Variants in UNC79 observed in about 807,000 individuals in gnomAD.
UNC79 encodes the protein protein unc-79 homolog.
UNC79 carries 37 observed loss-of-function variants against 283.1 expected under a neutral mutation model. The observed-to-expected ratio is 0.13, with a 90% CI of 0.10 to 0.17. The LOEUF (loss-of-function observed/expected upper bound fraction) is 0.17, where lower values mean the gene tolerates loss of function less well. UNC79 is among the 10% of genes least tolerant of loss of function. The probability of loss-of-function intolerance (pLI) is 1.00; values close to 1 mark genes in which losing one functional copy is unlikely to be tolerated. For missense variants in UNC79, 2,272 were observed against 3,211.1 expected (o/e 0.71, Z 7.07); for synonymous variants, 1,107 against 1,200.2 (o/e 0.92, Z 1.61).
intron 5 of UNC79, among the ~76,000 whole-genome samples, chr14:93,490,615 T>C (rs2058677786): frequency 6.6e-6 from 1 of 152,232 alleles, no homozygotes; most frequent in Admixed American, 6.5e-5. Flanking sequence ...TCCTCCACTT[T>C]CCAGGAATGT....
At chr14:93,356,680 A>G (rs2054092270) in intron 1 of UNC79, among the ~76,000 whole-genome samples, 1 of 152,216 alleles carries the variant, frequency 6.6e-6, no homozygotes, top group Non-Finnish European at 1.5e-5. Context: ...CCATTACCAG[A>G]AGTGCAAATC....
intron 14 of UNC79, among the ~76,000 whole-genome samples, chr14:93,544,739 A>T (rs1433108792): frequency 6.6e-6 from 1 of 152,200 alleles, no homozygotes; most frequent in Non-Finnish European, 1.5e-5. Flanking sequence ...GCACAGATTA[A>T]TGGTTGGGAT....
chr14:93,696,726 G>T (rs1041152859), intron 47 of UNC79, among the ~76,000 whole-genome samples: 1 of 152,054 alleles, frequency 6.6e-6, no homozygotes, highest in Non-Finnish European at 1.5e-5. Flanking sequence ...GATTTGCAAA[G>T]ATTTTTCTCT....
At chr14:93,488,591 G>A (rs191562680) in intron 5 of UNC79, among the ~76,000 whole-genome samples, 1 of 152,108 alleles carries the variant, frequency 6.6e-6, no homozygotes, top group Non-Finnish European at 1.5e-5. Context: ...AAATCTGAAT[G>A]CTTCTTAGTT....
chr14:93,552,344 G>T (rs1393233382), intron 14 of UNC79, among the ~76,000 whole-genome samples: 1 of 152,162 alleles, frequency 6.6e-6, no homozygotes, highest in Non-Finnish European at 1.5e-5. Flanking sequence ...TTATGGAGGA[G>T]GGTGGTGGCA....
intron 7 of UNC79, among the ~76,000 whole-genome samples, chr14:93,514,116 A>T (rs1175643786): frequency 2.6e-5 from 4 of 152,266 alleles, no homozygotes; most frequent in African/African-American, 9.6e-5. Context: ...AGTAAGATTT[A>T]AAACAGGAAA....
At chr14:93,653,977 G>C (rs746662590) in exon 37 of UNC79, 1 of 1,614,080 alleles carries the variant, frequency 6.2e-7, no homozygotes, top group Non-Finnish European at 8.5e-7. Flanking sequence ...CGTCTCTGAT[G>C]GACTTCAATG....
intron 1 of UNC79, among the ~76,000 whole-genome samples, chr14:93,366,423 G>C (rs2054335326): frequency 6.6e-6 from 1 of 152,106 alleles, no homozygotes; most frequent in Non-Finnish European, 1.5e-5. Flanking sequence ...AGCCAGAGCA[G>C]GGTCCTATGG....
Position 93,690,433 on chromosome 14 carries a change from A to G in UNC79, c.7272+130A>G. On this transcript the variant is annotated intron_variant, in intron 45 of 48. Coordinates refer to ENST00000555664, the Ensembl canonical transcript of UNC79. The surrounding 1 kb of genome is among the most constrained non-coding windows in gnomAD (Gnocchi z 4.3). Reference sequence around the variant, plus strand: ...GCCCTCCTGTGGATGTTAGAAACACAACTTTGTGCTAATGTCTTATTTAAA... The same window carrying G: ...GCCCTCCTGTGGATGTTAGAAACACGACTTTGTGCTAATGTCTTATTTAAA... 1 of 1,044,478 alleles carries G rather than the reference A, an allele frequency of 9.6e-7. No individual in the cohort carries two copies. The highest frequency in any genetic ancestry group is 1.3e-6 in the Non-Finnish European group (1 of 742,826). 64.7% of individuals were successfully genotyped at this position (1,044,478 alleles called of 1,614,324 possible). A position where few individuals can be genotyped will look rare whatever the true frequency, so the allele number is the denominator to read the frequency against.
chr14:93,336,745 A>G (rs1163137732), intron 1 of UNC79, among the ~76,000 whole-genome samples: 1 of 152,252 alleles, frequency 6.6e-6, no homozygotes, highest in Non-Finnish European at 1.5e-5. Context: ...CAAGTCACAG[A>G]AAACATTAAT....
chr14:93,630,817 A>G (rs1459314237), exon 31 of UNC79: 22 of 1,613,864 alleles, frequency 1.4e-5, no homozygotes, highest in South Asian at 3.3e-5. Flanking sequence ...CTACTAAAGG[A>G]CTTTCAACTT....
At chr14:93,378,236 C>T (rs1397329936) in intron 1 of UNC79, among the ~76,000 whole-genome samples, 1 of 152,172 alleles carries the variant, frequency 6.6e-6, no homozygotes, top group African/African-American at 2.4e-5. Context: ...AGCTTCAGCT[C>T]ACATGGAAAG....
chr14:93,464,017 TGGGCACCTGTAGTC>T (rs2057059248), intron 1 of UNC79, among the ~76,000 whole-genome samples: 3 of 151,948 alleles, frequency 2.0e-5, no homozygotes, highest in African/African-American at 7.3e-5. Context: ...GGCGTGGTGG[TGGGCACCTGTAGTC>T]CCAGCTACTT....
At chr14:93,616,366 C>CTTTTTTTT (rs71463917) in intron 27 of UNC79, among the ~76,000 whole-genome samples, 2 of 96,242 alleles carry the variant, frequency 2.1e-5, no homozygotes, top group African/African-American at 4.0e-5. Flanking sequence ...TTCTTTTTTC[C>CTTTTTTTT]TTTTTTTTTT....
At chr14:93,434,802 A>G (rs914357365) in intron 1 of UNC79, among the ~76,000 whole-genome samples, 3 of 152,238 alleles carry the variant, frequency 2.0e-5, no homozygotes, top group Non-Finnish European at 4.4e-5. Context: ...GAATCCTGGC[A>G]CATAATGAGG....
At chr14:93,483,129 G>A (rs1410714204) in intron 4 of UNC79, among the ~76,000 whole-genome samples, 1 of 151,946 alleles carries the variant, frequency 6.6e-6, no homozygotes, top group Non-Finnish European at 1.5e-5. Flanking sequence ...CATTCTTTAG[G>A]TTCAAGCTCA....
chr14:93,487,701 A>C, exon 5 of UNC79: 1 of 1,614,024 alleles, frequency 6.2e-7, no homozygotes. Flanking sequence ...TGCCCATGTT[A>C]ACCTCTCTGC....
exon 4 of UNC79, chr14:93,477,559 T>C (rs1272467433): frequency 1.9e-6 from 3 of 1,594,168 alleles, no homozygotes; most frequent in Admixed American, 3.5e-5. Flanking sequence ...GTTTTGTAGA[T>C]CTTGGACAGT....
chr14:93,367,560 T>C (rs2054361032), intron 1 of UNC79, among the ~76,000 whole-genome samples: 3 of 151,870 alleles, frequency 2.0e-5, no homozygotes, highest in South Asian at 4.2e-4. Flanking sequence ...AGTAAAAACA[T>C]GGAAAAGAAA....
Sources: gnomAD v4.1 joint callset for allele counts (sites outside exome capture counted in the v4.1 genomes callset) on GRCh38, gnomAD v4.1.1 for gene constraint, Gnocchi (gnomAD v3.1) non-coding constraint, MANE v1.5 for transcripts, NCBI Gene and HGNC (gene_info 2026-07-23, HGNC 2026-07-21) for gene names.